IPCEF1: variants seen among roughly 807,000 people sequenced by gnomAD.
IPCEF1 encodes interaction protein for cytohesin exchange factors 1.
In IPCEF1, 31 loss-of-function variants were observed where a neutral mutation model predicts 50.9. That is an observed-to-expected ratio of 0.61 (90% CI 0.46 to 0.82). The LOEUF (loss-of-function observed/expected upper bound fraction) is 0.82. IPCEF1 is among the 40% of genes least tolerant of loss of function. IPCEF1 has a pLI of 0.00. For synonymous variants in IPCEF1, 181 were observed against 192.0 expected (o/e 0.94, Z 0.47); for missense variants, 458 against 514.0 (o/e 0.89, Z 1.05).
intron 3 of IPCEF1, among the ~76,000 whole-genome samples, chr6:154,258,132 T>C (rs554416250): frequency 6.6e-6 from 1 of 152,362 alleles, no homozygotes; most frequent in East Asian, 1.9e-4. Context: ...AAATGGCACC[T>C]CCACTATGAA....
chr6:154,177,333 T>A (rs1354461916), intron 10 of IPCEF1, among the ~76,000 whole-genome samples: 1 of 152,006 alleles, frequency 6.6e-6, no homozygotes. Context: ...AAAGAAACTA[T>A]CATCAAAGTG....
chr6:154,332,496 GTTT>G (rs1020877450), intron 1 of IPCEF1, among the ~76,000 whole-genome samples: 20 of 152,154 alleles, frequency 1.3e-4, no homozygotes, highest in African/African-American at 4.3e-4. Context: ...AAGATGCTAT[GTTT>G]CAAGAATCAA....
At chr6:154,291,899 G>T (rs1223255921) in intron 1 of IPCEF1, among the ~76,000 whole-genome samples, 2 of 151,944 alleles carry the variant, frequency 1.3e-5, no homozygotes, top group East Asian at 1.9e-4. Context: ...TAGCCAGGGT[G>T]GTCTGGATCT....
chr6:154,262,130 A>T (rs182702204), intron 3 of IPCEF1, among the ~76,000 whole-genome samples: 226 of 152,364 alleles, frequency 1.5e-3, no homozygotes, highest in African/African-American at 5.2e-3. Flanking sequence ...CCGCCCAGAC[A>T]CTGACGGCTG....
rs1336770102 is a variant in IPCEF1 at position 154,312,210 on chromosome 6, G to T, written c.-61-22454C>A. On this transcript the variant is annotated intron_variant, in intron 1 of 11. Coordinates refer to ENST00000367220, the MANE Select transcript of IPCEF1 (RefSeq NM_001130700.2). ...ACATTTTGTTACATGAAATAAGCCA[G>T]TCACAAAAAGATAAGTACTGTATGA... Among the ~76,000 whole-genome samples, 4 of 152,134 alleles carry T rather than the reference G, an allele frequency of 2.6e-5. 1 individual carries two copies. The highest frequency in any genetic ancestry group is 9.7e-5 in the African/African-American group (4 of 41,434).
rs147086966 is a variant in IPCEF1 at position 154,189,426 on chromosome 6, T to C, written c.910+10242A>G. Among the ~76,000 whole-genome samples, 26 of 152,094 alleles carry C rather than the reference T, an allele frequency of 1.7e-4. No homozygotes were observed. In the East Asian group the frequency reaches 4.8e-3, roughly 28 times the overall value. On this transcript the variant is annotated intron_variant, in intron 10 of 11. Coordinates refer to ENST00000367220, the MANE Select transcript of IPCEF1 (RefSeq NM_001130700.2). Reference sequence around the variant, plus strand: ...AGGCATATGTGGACCAAAATACATATGTAAGAATTTTCATTAAGAGCATTT... The same window carrying C: ...AGGCATATGTGGACCAAAATACATACGTAAGAATTTTCATTAAGAGCATTT...
At chr6:154,343,932 A>G (rs1783972298) in intron 1 of IPCEF1, among the ~76,000 whole-genome samples, 2 of 152,166 alleles carry the variant, frequency 1.3e-5, no homozygotes, top group South Asian at 4.1e-4. Flanking sequence ...GGCCGACCTC[A>G]CATATCCCCA....
chr6:154,270,189 T>G (rs1409556573), intron 2 of IPCEF1, among the ~76,000 whole-genome samples: 1 of 152,218 alleles, frequency 6.6e-6, no homozygotes, highest in East Asian at 1.9e-4. Flanking sequence ...AAAACACTTT[T>G]GTATATCAAG....
chr6:154,263,673 A>C (rs531719850), intron 3 of IPCEF1, among the ~76,000 whole-genome samples: 29 of 84,270 alleles, frequency 3.4e-4, no homozygotes, highest in Middle Eastern at 4.0e-3. Context: ...CAACCATCCG[A>C]TTTCTCAATC....
At chr6:154,352,900 G>C (rs1784141636) in intron 1 of IPCEF1, among the ~76,000 whole-genome samples, 1 of 152,156 alleles carries the variant, frequency 6.6e-6, no homozygotes, top group Admixed American at 6.5e-5. Context: ...ATTATATTGG[G>C]AGATTTAAAT....
At chr6:154,207,290 A>G (rs1426583296) in intron 9 of IPCEF1, among the ~76,000 whole-genome samples, 2 of 152,226 alleles carry the variant, frequency 1.3e-5, no homozygotes, top group African/African-American at 4.8e-5. Flanking sequence ...AAGTCTTAAA[A>G]TCAGTTAGAT....
intron 9 of IPCEF1, among the ~76,000 whole-genome samples, chr6:154,211,194 A>G (rs1583809201): frequency 6.6e-6 from 1 of 152,064 alleles, no homozygotes; most frequent in African/African-American, 2.4e-5. Context: ...AGGCAGGCGG[A>G]TCATGAGGTC....
chr6:154,182,255 G>T (rs976936743), intron 10 of IPCEF1, among the ~76,000 whole-genome samples: 1 of 152,032 alleles, frequency 6.6e-6, no homozygotes, highest in Non-Finnish European at 1.5e-5. Flanking sequence ...AGTCATGTAC[G>T]TATCTTCTTT....
chr6:154,351,399 C>T (rs1255314978), intron 1 of IPCEF1, among the ~76,000 whole-genome samples: 2 of 152,132 alleles, frequency 1.3e-5, no homozygotes, highest in Non-Finnish European at 2.9e-5. Context: ...CTACGTGGTA[C>T]CACCTGACTG....
rs1347513972 is a variant in IPCEF1 at position 154,246,600 on chromosome 6, G to C, written c.237C>G (p.Ser79Arg). The C allele has an allele frequency of 1.2e-6, 2 of 1,612,452 alleles. No individual in the cohort carries two copies. The highest frequency in any genetic ancestry group is 1.7e-6 in the Non-Finnish European group (2 of 1,179,134). ...ILKGSSLYWY[S>R]NQMAEKADGF... ...AAGAAAGCAGACTCACCATTTGATT[G>C]CTATACCAGTACAGTGACGACCCCT... is the stretch of plus-strand genomic sequence containing the variant. Residue 79 changes from serine to arginine, a missense_variant, in exon 5 of 12, where the codon AGC (serine) becomes AGG (arginine). Ser to Arg is a moderately radical substitution (Grantham distance 110, BLOSUM62 -1). Transcript: ENST00000367220.
intron 11 of IPCEF1, among the ~76,000 whole-genome samples, chr6:154,163,949 T>C (rs1015954059): frequency 1.3e-5 from 2 of 152,222 alleles, no homozygotes; most frequent in African/African-American, 2.4e-5. Flanking sequence ...GGATTGTTTA[T>C]AGAAAGTTAG....
Position 154,338,234 on chromosome 6 carries a change from T to A in IPCEF1, c.-62+18438A>T, listed in dbSNP as rs922367417. Among the ~76,000 whole-genome samples the A allele has an allele frequency of 5.9e-5, 9 of 152,174 alleles. No homozygotes were observed. The East Asian group carries it at 1.7e-3, about 29-fold the overall frequency. ...ACTTGGGTGGGTTGGGAGAACCTTATCACTTGCCTTTGATGCCTTATAGCT... is the reference window on the plus strand; with the variant it reads ...ACTTGGGTGGGTTGGGAGAACCTTAACACTTGCCTTTGATGCCTTATAGCT... On this transcript the variant is annotated intron_variant, in intron 1 of 11. Transcript: ENST00000367220.
chr6:154,350,889 T>A (rs926595376), intron 1 of IPCEF1, among the ~76,000 whole-genome samples: 1 of 152,084 alleles, frequency 6.6e-6, no homozygotes, highest in Non-Finnish European at 1.5e-5. Flanking sequence ...CCTGGCCACA[T>A]TTTTTTGTTT....
intron 7 of IPCEF1, 44 bp from the exon 8 acceptor site, chr6:154,214,320 C>T (rs926260244): frequency 3.8e-6 from 5 of 1,330,166 alleles, no homozygotes; most frequent in Non-Finnish European, 5.4e-6. Context: ...AGAGATTAGC[C>T]CCCCACCCAT....
Sources: gnomAD v4.1 joint callset for allele counts (sites outside exome capture counted in the v4.1 genomes callset) on GRCh38, gnomAD v4.1.1 for gene constraint, MANE v1.5 for transcripts, NCBI Gene and HGNC (gene_info 2026-07-23, HGNC 2026-07-21) for gene names.